Variants in GALNT13 observed in about 807,000 individuals in gnomAD.
The protein encoded by GALNT13 is UDP-GalNAc:polypeptide N-acetylgalactosaminyltransferase 13.
GALNT13 carries 28 observed loss-of-function variants against 64.2 expected under a neutral mutation model. That is an observed-to-expected ratio of 0.44 (90% confidence interval 0.32 to 0.60). The LOEUF (loss-of-function observed/expected upper bound fraction) is 0.60. GALNT13 is among the 20% of genes least tolerant of loss of function. The pLI, the probability that GALNT13 is intolerant of heterozygous loss-of-function variation, is 0.05. For missense variants in GALNT13, 577 were observed against 669.8 expected (o/e 0.86, Z 1.53); for synonymous variants, 214 against 224.6 (o/e 0.95, Z 0.42).
the GALNT13 span, among the ~76,000 whole-genome samples, chr2:153,081,755 T>A: frequency 0.024 from 3,581 of 152,304 alleles, 145 homozygotes; most frequent in African/African-American, 0.081. Flanking sequence ...ACATTTTTTT[T>A]AATCCATTCA....
intron 3 of GALNT13, among the ~76,000 whole-genome samples, chr2:154,124,201 G>A (rs1682122716): frequency 6.6e-6 from 1 of 151,740 alleles, no homozygotes; most frequent in Non-Finnish European, 1.5e-5. Context: ...AGACCAATCT[G>A]GTTTCCATGG....
the GALNT13 span, among the ~76,000 whole-genome samples, chr2:153,772,352 AG>A: frequency 1.3e-5 from 2 of 152,168 alleles, no homozygotes; most frequent in Non-Finnish European, 2.9e-5. Context: ...AGTTTTCTCC[AG>A]GGCTTCAGAG....
intron 4 of GALNT13, among the ~76,000 whole-genome samples, chr2:154,200,212 T>C (rs1271560043): frequency 1.3e-5 from 2 of 152,100 alleles, no homozygotes; most frequent in Non-Finnish European, 2.9e-5. Context: ...GTCAGTCCTC[T>C]AAGTGTGATT....
chr2:154,271,666 T>C (rs1691361859), intron 8 of GALNT13, among the ~76,000 whole-genome samples: 1 of 151,916 alleles, frequency 6.6e-6, no homozygotes, highest in Non-Finnish European at 1.5e-5. Flanking sequence ...TATACTGTAT[T>C]GGTAAACCAA....
intron 3 of GALNT13, among the ~76,000 whole-genome samples, chr2:153,967,912 C>T (rs1693480733): frequency 6.6e-6 from 1 of 152,076 alleles, no homozygotes. Flanking sequence ...GAATTAGGCA[C>T]TTCAGAAATC....
chr2:154,191,270 C>T (rs1686562603), intron 4 of GALNT13, among the ~76,000 whole-genome samples: 2 of 152,160 alleles, frequency 1.3e-5, no homozygotes, highest in African/African-American at 4.8e-5. Context: ...CACGCACGCA[C>T]ACACACACCA....
chr2:154,447,472 T>C (rs933132661), intron 12 of GALNT13, among the ~76,000 whole-genome samples: 5 of 151,960 alleles, frequency 3.3e-5, no homozygotes, highest in South Asian at 2.1e-4. Flanking sequence ...CAAACTGATA[T>C]GGAATTCTTG....
At chr2:153,493,354 A>C in the GALNT13 span, among the ~76,000 whole-genome samples, 1 of 152,100 alleles carries the variant, frequency 6.6e-6, no homozygotes, top group African/African-American at 2.4e-5. Flanking sequence ...TACAAATATT[A>C]ATGGAAAATA....
the GALNT13 span, among the ~76,000 whole-genome samples, chr2:153,623,581 CT>C: frequency 1.3e-5 from 2 of 151,782 alleles, no homozygotes; most frequent in Non-Finnish European, 2.9e-5. Flanking sequence ...ATTTTTTAAG[CT>C]TTTAAAATAC....
chr2:153,583,316 G>A, the GALNT13 span, among the ~76,000 whole-genome samples: 1 of 152,294 alleles, frequency 6.6e-6, no homozygotes, highest in African/African-American at 2.4e-5. Context: ...TATTACTGAA[G>A]GACATGGTTT....
At chr2:153,821,270 A>G in the GALNT13 span, among the ~76,000 whole-genome samples, 6,650 of 152,198 alleles carry the variant, frequency 0.044, 197 homozygotes, top group East Asian at 0.13. Flanking sequence ...TACCCCACCC[A>G]TTAACCACAG....
At chr2:154,353,672 C>A (rs1000119095) in intron 9 of GALNT13, among the ~76,000 whole-genome samples, 2 of 152,078 alleles carry the variant, frequency 1.3e-5, no homozygotes, top group African/African-American at 4.8e-5. Context: ...AACATTTTTT[C>A]TTTCAGTGTC....
At chr2:153,947,069 GTT>G (rs1458015660) in intron 3 of GALNT13, among the ~76,000 whole-genome samples, 1 of 151,990 alleles carries the variant, frequency 6.6e-6, no homozygotes, top group African/African-American at 2.4e-5. Context: ...GGAGTAGGCA[GTT>G]TCTAAGTTCC....
intron 2 of GALNT13, among the ~76,000 whole-genome samples, chr2:153,937,300 A>T (rs1691007090): frequency 6.6e-6 from 1 of 152,240 alleles, no homozygotes; most frequent in Admixed American, 6.5e-5. Flanking sequence ...TTATTTGGCA[A>T]TAAAAAGAAA....
At chr2:154,053,803 A>G (rs571470073) in intron 3 of GALNT13, among the ~76,000 whole-genome samples, 3 of 152,306 alleles carry the variant, frequency 2.0e-5, no homozygotes, top group Non-Finnish European at 4.4e-5. Context: ...AGGACTGAGC[A>G]TCTTTTGTAA....
the GALNT13 span, among the ~76,000 whole-genome samples, chr2:153,689,547 A>T: frequency 2.0e-5 from 3 of 152,064 alleles, no homozygotes; most frequent in South Asian, 6.2e-4. Flanking sequence ...TCTTCTAGCA[A>T]TATTTCACAT....
chr2:154,213,042 G>T (rs1687863488), intron 4 of GALNT13, among the ~76,000 whole-genome samples: 1 of 152,096 alleles, frequency 6.6e-6, no homozygotes, highest in Non-Finnish European at 1.5e-5. Context: ...AAGGAAGAGT[G>T]GCTATATTTG....
At position 153,883,328 on chromosome 2, in the gene GALNT13, G is replaced by A. The variant is rs116449263; in HGVS notation, c.-177+11025G>A. 9.4e-3 allele frequency among the ~76,000 whole-genome samples: 1,433 copies of A among 151,832 alleles called. 24 individuals are homozygous for A. The highest frequency in any genetic ancestry group is 0.032 in the African/African-American group (1,337 of 41,430). On this transcript the variant is annotated intron_variant, in intron 1 of 12. Transcript: ENST00000392825. ...ACGAAGCATGACTTCCTAATTGGAC[G>A]TCTAGTAAGAAAACAAAAAATACAG...
At chr2:153,589,029 G>A in the GALNT13 span, among the ~76,000 whole-genome samples, 1 of 152,078 alleles carries the variant, frequency 6.6e-6, no homozygotes, top group African/African-American at 2.4e-5. Context: ...AGCCATGCCT[G>A]TAATCCCCGC....
Sources: gnomAD v4.1 joint callset for allele counts (sites outside exome capture counted in the v4.1 genomes callset) on GRCh38, gnomAD v4.1.1 for gene constraint, MANE v1.5 for transcripts, NCBI Gene and HGNC (gene_info 2026-07-23, HGNC 2026-07-21) for gene names.